SYT1: variants seen among roughly 807,000 people sequenced by gnomAD.
The protein encoded by SYT1 is synaptotagmin 1.
In SYT1, 8 loss-of-function variants were observed where a neutral mutation model predicts 44.8. The ratio of observed to expected loss-of-function variants is 0.18; its 90% CI spans 0.10 to 0.32. The LOEUF is 0.32. Ranked by LOEUF, SYT1 falls within the 10% of genes least tolerant of loss-of-function variation. The pLI, the probability that SYT1 is intolerant of heterozygous loss-of-function variation, is 1.00. For missense variants in SYT1, 286 were observed against 509.3 expected, an observed-to-expected ratio of 0.56 and a Z score of 4.22; for synonymous variants, 154 against 188.8, an observed-to-expected ratio of 0.82 and a Z score of 1.51.
At chr12:79,301,066 C>T (rs1880127518) in intron 8 of SYT1, among the ~76,000 whole-genome samples, 2 of 151,286 alleles carry the variant, frequency 1.3e-5, no homozygotes, top group South Asian at 4.2e-4. Context: ...TGGGATGTTT[C>T]ATTGACTTTT....
At chr12:79,378,004 T>C (rs1440827546) in intron 9 of SYT1, among the ~76,000 whole-genome samples, 2 of 152,222 alleles carry the variant, frequency 1.3e-5, no homozygotes, top group Non-Finnish European at 2.9e-5. Context: ...TATTTATCAC[T>C]CCCAATACAT....
intron 2 of SYT1, among the ~76,000 whole-genome samples, chr12:79,015,572 T>A (rs1871754747): frequency 6.6e-6 from 1 of 152,168 alleles, no homozygotes; most frequent in Non-Finnish European, 1.5e-5. Flanking sequence ...AGTTTATGCA[T>A]TAAACATATT....
chr12:79,206,994 G>A (rs1461027132), intron 3 of SYT1, among the ~76,000 whole-genome samples: 1 of 152,172 alleles, frequency 6.6e-6, no homozygotes, highest in Non-Finnish European at 1.5e-5. Context: ...CTGTGACAAT[G>A]AGCATGTTTA....
chr12:79,395,471 G>A (rs1374245417), intron 9 of SYT1, among the ~76,000 whole-genome samples: 1 of 152,148 alleles, frequency 6.6e-6, no homozygotes, highest in Non-Finnish European at 1.5e-5. Flanking sequence ...CTCCAGCCTT[G>A]ACCTCCCAAA....
rs1360755369 is a variant in SYT1, at chr12:78,892,816, TA to T, written c.-217+27708del. ...GACAAATAACGGTAAAGAGGAGAAT[TA>T]TTTTTTTCAGAATTACACAATATTG... On this transcript the variant is annotated intron_variant, in intron 1 of 10. Coordinates refer to ENST00000261205, the MANE Select transcript of SYT1 (RefSeq NM_005639.3). Among the ~76,000 whole-genome samples, 7 of 151,904 alleles carry T rather than the reference TA, an allele frequency of 4.6e-5. No homozygotes were observed. In the East Asian group the frequency reaches 1.4e-3, roughly 30 times the overall value.
intron 8 of SYT1, among the ~76,000 whole-genome samples, chr12:79,330,775 A>G (rs1189853520): frequency 1.3e-5 from 2 of 152,156 alleles, no homozygotes; most frequent in African/African-American, 4.8e-5. Flanking sequence ...TCACTTAGGT[A>G]CTATTATCAT....
chr12:78,874,290 C>T (rs1278871137), intron 1 of SYT1, among the ~76,000 whole-genome samples: 1 of 151,570 alleles, frequency 6.6e-6, no homozygotes, highest in African/African-American at 2.4e-5. Flanking sequence ...CATAGGTAGT[C>T]ACACAATCAA....
At chr12:78,930,521 T>C (rs1364508620) in intron 1 of SYT1, among the ~76,000 whole-genome samples, 2 of 151,972 alleles carry the variant, frequency 1.3e-5, no homozygotes, top group African/African-American at 4.8e-5. Flanking sequence ...CTCAGAGATT[T>C]TTAGAAATAG....
At chr12:79,147,288 T>G (rs891723161) in intron 3 of SYT1, among the ~76,000 whole-genome samples, 3 of 152,246 alleles carry the variant, frequency 2.0e-5, no homozygotes, top group African/African-American at 7.2e-5. Context: ...ATATTTATTC[T>G]TAGCTATTAT....
chr12:79,263,597 G>A (rs1377058850), intron 4 of SYT1, among the ~76,000 whole-genome samples: 1 of 152,076 alleles, frequency 6.6e-6, no homozygotes, highest in African/African-American at 2.4e-5. Context: ...GCTGGATTTA[G>A]TGATCCTGTA....
At chr12:79,192,857 AT>A (rs1195099468) in intron 3 of SYT1, among the ~76,000 whole-genome samples, 8 of 152,098 alleles carry the variant, frequency 5.3e-5, no homozygotes, top group African/African-American at 1.4e-4. Context: ...AAAATAAGAA[AT>A]TTTTTTCTTC....
chr12:79,041,416 C>T (rs1259317434), intron 2 of SYT1, among the ~76,000 whole-genome samples: 2 of 151,650 alleles, frequency 1.3e-5, no homozygotes, highest in Admixed American at 6.6e-5. Flanking sequence ...CATGATTTGG[C>T]TCTCTGTTTG....
intron 3 of SYT1, among the ~76,000 whole-genome samples, chr12:79,133,890 G>A (rs1392517670): frequency 6.6e-6 from 1 of 152,186 alleles, no homozygotes; most frequent in African/African-American, 2.4e-5. Flanking sequence ...CAGTGAACAG[G>A]TCAGAATTGA....
intron 3 of SYT1, among the ~76,000 whole-genome samples, chr12:79,112,456 A>G (rs1477024692): frequency 6.6e-6 from 1 of 152,084 alleles, no homozygotes; most frequent in Non-Finnish European, 1.5e-5. Flanking sequence ...TTCATTCATA[A>G]TTTGATAAGC....
intron 2 of SYT1, among the ~76,000 whole-genome samples, chr12:79,005,421 C>G (rs1457280504): frequency 6.6e-6 from 1 of 151,842 alleles, no homozygotes; most frequent in African/African-American, 2.4e-5. Flanking sequence ...AGATCTAGGA[C>G]AAGTAATTTT....
At chr12:79,419,084 C>CTAAT (rs1868935596) in intron 9 of SYT1, among the ~76,000 whole-genome samples, 1 of 152,134 alleles carries the variant, frequency 6.6e-6, no homozygotes, top group South Asian at 2.1e-4. Flanking sequence ...ACACATCCCA[C>CTAAT]TAATTGACCA....
chr12:79,053,360 G>C (rs1164303284), intron 3 of SYT1, among the ~76,000 whole-genome samples: 1 of 152,054 alleles, frequency 6.6e-6, no homozygotes, highest in Non-Finnish European at 1.5e-5. Flanking sequence ...ACTGTTGTGG[G>C]GTGGGGGGAG....
chr12:79,126,458 A>G (rs1868445750), intron 3 of SYT1, among the ~76,000 whole-genome samples: 2 of 152,064 alleles, frequency 1.3e-5, no homozygotes, highest in South Asian at 4.2e-4. Context: ...ACGGGATTTC[A>G]CCATGTTGGC....
At chr12:78,934,159 TACACACAC>T (rs901135075) in intron 1 of SYT1, among the ~76,000 whole-genome samples, 17 of 148,060 alleles carry the variant, frequency 1.1e-4, no homozygotes, top group Non-Finnish European at 1.9e-4. Flanking sequence ...TGTGCGTGTG[TACACACAC>T]ACACATACAC....
Sources: gnomAD v4.1 joint callset for allele counts (sites outside exome capture counted in the v4.1 genomes callset) on GRCh38, gnomAD v4.1.1 for gene constraint, MANE v1.5 for transcripts, NCBI Gene and HGNC (gene_info 2026-07-23, HGNC 2026-07-21) for gene names.